The following STPG2 variants were observed in gnomAD, a reference collection of about 807,000 sequenced individuals.
STPG2 encodes the protein sperm-tail PG-rich repeat-containing protein 2.
A neutral mutation model predicts 54.2 loss-of-function variants in STPG2; 56 were observed. The observed-to-expected ratio is 1.03, with a 90% confidence interval of 0.83 to 1.29. The LOEUF is 1.29. Among genes scored for constraint, STPG2 ranks in the 50% most tolerant of loss-of-function variants. The pLI is 0.00. For missense variants in STPG2, 596 were observed against 544.9 expected (o/e 1.09, Z -0.93); for synonymous variants, 200 against 181.8 (o/e 1.10, Z -0.81).
chr4:97,581,234 T>C (rs1732856882), intron 10 of STPG2, among the ~76,000 whole-genome samples: 1 of 151,998 alleles, frequency 6.6e-6, no homozygotes, highest in African/African-American at 2.4e-5. Context: ...TCTCAGAAAG[T>C]TTTTTTGAGC....
At chr4:97,712,414 T>C (rs1185193748) in intron 10 of STPG2, among the ~76,000 whole-genome samples, 1 of 152,132 alleles carries the variant, frequency 6.6e-6, no homozygotes, top group Non-Finnish European at 1.5e-5. Flanking sequence ...AACAAGTATG[T>C]AAGCAAGTGA....
At chr4:97,618,733 G>T (rs1047652719) in intron 10 of STPG2, among the ~76,000 whole-genome samples, 1 of 152,208 alleles carries the variant, frequency 6.6e-6, no homozygotes, top group South Asian at 2.1e-4. Flanking sequence ...TTACTTGCTA[G>T]GTTCAATTTG....
At chr4:97,733,618 G>A (rs1724877441) in intron 9 of STPG2, among the ~76,000 whole-genome samples, 2 of 152,088 alleles carry the variant, frequency 1.3e-5, no homozygotes, top group Non-Finnish European at 2.9e-5. Flanking sequence ...GTCTATGGAG[G>A]TCATGGAAGC....
intron 10 of STPG2, among the ~76,000 whole-genome samples, chr4:97,663,195 C>G (rs989447572): frequency 1.3e-5 from 2 of 152,032 alleles, no homozygotes; most frequent in African/African-American, 4.8e-5. Flanking sequence ...GCTTAATGCC[C>G]AAGCATATTT....
intron 5 of STPG2, among the ~76,000 whole-genome samples, chr4:98,098,430 T>C (rs1738925861): frequency 6.6e-6 from 1 of 152,164 alleles, no homozygotes; most frequent in Non-Finnish European, 1.5e-5. Context: ...TCCAGAAGGA[T>C]GAAACTAGAC....
At chr4:97,871,281 A>G (rs963243743) in intron 8 of STPG2, among the ~76,000 whole-genome samples, 1 of 151,100 alleles carries the variant, frequency 6.6e-6, no homozygotes, top group African/African-American at 2.4e-5. Context: ...GAAAGGAAAT[A>G]AAGAAAAAGG....
chr4:97,957,123 T>C (rs1733703159), intron 7 of STPG2, among the ~76,000 whole-genome samples: 1 of 139,798 alleles, frequency 7.2e-6, no homozygotes, highest in Admixed American at 7.6e-5. Flanking sequence ...GAAATATACA[T>C]GTGAAATATA....
chr4:97,546,116 A>G (rs1731828070), intron 4 of STPG2, among the ~76,000 whole-genome samples: 3 of 152,008 alleles, frequency 2.0e-5, no homozygotes, highest in African/African-American at 7.3e-5. Flanking sequence ...AGAGAACCAG[A>G]AAAGCAATGA....
At chr4:97,558,593 C>G (rs1302368130), downstream of STPG2, among the ~76,000 whole-genome samples, 1 of 152,132 alleles carries the variant, frequency 6.6e-6, no homozygotes. Context: ...AGCCAACAGC[C>G]AAGGAGAAAC....
At chr4:97,678,617 C>A (rs1212065913) in intron 10 of STPG2, among the ~76,000 whole-genome samples, 5 of 151,258 alleles carry the variant, frequency 3.3e-5, no homozygotes, top group South Asian at 2.1e-4. Context: ...TTTTTGACTT[C>A]TTTTATTTTA....
At chr4:97,727,896 A>T (rs923482007) in intron 9 of STPG2, among the ~76,000 whole-genome samples, 3 of 151,992 alleles carry the variant, frequency 2.0e-5, no homozygotes, top group Non-Finnish European at 2.9e-5. Context: ...AGATAGAATC[A>T]TTATACTTTT....
At chr4:97,897,807 C>T (rs1249690149) in intron 8 of STPG2, among the ~76,000 whole-genome samples, 2 of 152,232 alleles carry the variant, frequency 1.3e-5, no homozygotes, top group African/African-American at 4.8e-5. Flanking sequence ...GGATATTAGA[C>T]CTTTGTCAGG....
chr4:98,108,762 A>T (rs962566594), intron 4 of STPG2, among the ~76,000 whole-genome samples: 1 of 152,130 alleles, frequency 6.6e-6, no homozygotes, highest in Non-Finnish European at 1.5e-5. Flanking sequence ...TGCATTTTTT[A>T]CTGATAAAAT....
At chr4:97,630,769 G>T (rs1226209546) in intron 10 of STPG2, among the ~76,000 whole-genome samples, 1 of 151,556 alleles carries the variant, frequency 6.6e-6, no homozygotes, top group Non-Finnish European at 1.5e-5. Context: ...CAATCTCAAG[G>T]TGGCTTCTCA....
chr4:97,814,850 G>A (rs182685367), intron 9 of STPG2, among the ~76,000 whole-genome samples: 3 of 152,188 alleles, frequency 2.0e-5, no homozygotes, highest in East Asian at 3.9e-4. Flanking sequence ...TTTGGGATTC[G>A]GACTGACTTC....
chr4:97,895,572 A>G (rs543685897), intron 8 of STPG2, among the ~76,000 whole-genome samples: 46 of 151,806 alleles, frequency 3.0e-4, no homozygotes, highest in Non-Finnish European at 5.3e-4. Context: ...AACAAATTGA[A>G]CTTAATAGCT....
chr4:97,651,125 T>C (rs1722054486), intron 10 of STPG2, among the ~76,000 whole-genome samples: 1 of 152,104 alleles, frequency 6.6e-6, no homozygotes, highest in Non-Finnish European at 1.5e-5. Context: ...TTCCTAAAAA[T>C]GTAGAGATAC....
At chr4:98,042,467 C>T (rs1424883293) in intron 5 of STPG2, among the ~76,000 whole-genome samples, 1 of 151,706 alleles carries the variant, frequency 6.6e-6, no homozygotes, top group South Asian at 2.1e-4. Flanking sequence ...ACACTATAAA[C>T]TTCCCTCTTA....
At chr4:97,781,038 A>G (rs570347803) in intron 9 of STPG2, among the ~76,000 whole-genome samples, 1 of 152,296 alleles carries the variant, frequency 6.6e-6, no homozygotes, top group South Asian at 2.1e-4. Flanking sequence ...AAGCAAGAGC[A>G]AACACATTCA....
Sources: gnomAD v4.1 joint callset for allele counts (sites outside exome capture counted in the v4.1 genomes callset) on GRCh38, gnomAD v4.1.1 for gene constraint, MANE v1.5 for transcripts, NCBI Gene and HGNC (gene_info 2026-07-23, HGNC 2026-07-21) for gene names.